SLC13A3: variants seen among roughly 807,000 people sequenced by gnomAD.
SLC13A3 encodes solute carrier family 13 member 3.
In SLC13A3, 40 loss-of-function variants were observed where a neutral mutation model predicts 59.0. That is an observed-to-expected ratio of 0.68 (90% CI 0.53 to 0.88). The LOEUF (loss-of-function observed/expected upper bound fraction) is 0.88, where lower values mean the gene tolerates loss of function less well. Ranked by LOEUF, SLC13A3 falls within the 40% of genes least tolerant of loss-of-function variation. The probability of loss-of-function intolerance (pLI) is 0.00; values close to 1 mark genes in which losing one functional copy is unlikely to be tolerated. For missense variants in SLC13A3, 699 were observed against 783.2 expected (o/e 0.89, Z 1.28); for synonymous variants, 317 against 330.3 (o/e 0.96, Z 0.44).
chr20:46,569,200 C>A (rs2062008910), intron 10 of SLC13A3, among the ~76,000 whole-genome samples: 1 of 152,182 alleles, frequency 6.6e-6, no homozygotes, highest in Non-Finnish European at 1.5e-5. Flanking sequence ...CTATGTTGCC[C>A]AGGCTGGTTT....
At chr20:46,578,015 T>G (rs959761916) in intron 9 of SLC13A3, among the ~76,000 whole-genome samples, 2 of 152,152 alleles carry the variant, frequency 1.3e-5, no homozygotes, top group African/African-American at 4.8e-5. Context: ...TATTTATTTT[T>G]TTTGAGATGG....
chr20:46,600,028 C>T lies in SLC13A3; in HGVS notation c.551G>A (p.Arg184Gln), dbSNP rs201164820. ...GGGCACAGTGTGTAGGCCGTTTCTCCGCACAGCAGCTAGGAGGAAAGAGCA... is the reference window on the plus strand; with the variant it reads ...GGGCACAGTGTGTAGGCCGTTTCTCTGCACAGCAGCTAGGAGGAAAGAGCA... Reference protein sequence around the residue: ...QESEENTAAVRRNGLHTVPTE... With the variant: ...QESEENTAAVQRNGLHTVPTE... The change falls in exon 4 of 13, where the codon CGG becomes CAG. Residue 184 changes from arginine to glutamine, a missense_variant. By Grantham distance (43) the Arg-to-Gln change is conservative (BLOSUM62 1). Transcript: ENST00000279027. 106 of 1,561,540 alleles carry T rather than the reference C, an allele frequency of 6.8e-5. 1 individual carries two copies. Among genetic ancestry groups the T allele is most frequent in the Admixed American group, 2.7e-4 (16 of 58,368 alleles).
chr20:46,675,405 CTTT>C (rs1057001519), intron 1 of SLC13A3, among the ~76,000 whole-genome samples: 1 of 112,666 alleles, frequency 8.9e-6, no homozygotes, highest in Admixed American at 9.0e-5. Flanking sequence ...AATTTTTTTT[CTTT>C]TTTTTTTTTT....
At chr20:46,644,068 T>C (rs1421600315) in intron 1 of SLC13A3, among the ~76,000 whole-genome samples, 1 of 151,882 alleles carries the variant, frequency 6.6e-6, no homozygotes, top group African/African-American at 2.4e-5. Context: ...AATAAAAACA[T>C]TGATGACCAA....
chr20:46,609,075 G>T, intron 3 of SLC13A3: 1 of 1,548,890 alleles, frequency 6.5e-7, no homozygotes, highest in Non-Finnish European at 8.7e-7. Context: ...AACAAAGGAA[G>T]AATCAATGCC....
chr20:46,613,556 A>G lies in SLC13A3; in HGVS notation c.281T>C (p.Leu94Pro), dbSNP rs1042096322. 1 of 1,614,102 alleles carries G rather than the reference A, an allele frequency of 6.2e-7. No individual in the cohort carries two copies. Among genetic ancestry groups the G allele is most frequent in the African/African-American group, 1.3e-5 (1 of 75,054 alleles). ...GGCGCTGGCCATGATCAGCCCACTG[A>G]GGAAGAGGAAGTTGGTGTCGAGGAA... ...QYFLDTNFLF[L>P]SGLIMASAIE... is the part of the protein sequence containing the mutation. Residue 94 changes from leucine to proline, a missense_variant, in exon 2 of 13, where the codon CTC becomes CCC. Coordinates refer to ENST00000279027, the MANE Select transcript of SLC13A3 (RefSeq NM_022829.6).
At chr20:46,614,652 T>C (rs2062537557) in intron 1 of SLC13A3, among the ~76,000 whole-genome samples, 1 of 152,200 alleles carries the variant, frequency 6.6e-6, no homozygotes, top group South Asian at 2.1e-4. Flanking sequence ...GTGCTATTTA[T>C]TCCTAACAAA....
chr20:46,632,410 C>G (rs2062748256), intron 1 of SLC13A3, among the ~76,000 whole-genome samples: 1 of 151,948 alleles, frequency 6.6e-6, no homozygotes, highest in South Asian at 2.1e-4. Flanking sequence ...GAATGACGGC[C>G]TCACAGAATC....
chr20:46,659,229 T>C (rs2063012114), intron 1 of SLC13A3, among the ~76,000 whole-genome samples: 2 of 152,234 alleles, frequency 1.3e-5, no homozygotes, highest in African/African-American at 4.8e-5. Context: ...TTGTTCTTTG[T>C]TCCTCTCTTC....
chr20:46,675,022 C>T (rs1360959440), upstream of SLC13A3, among the ~76,000 whole-genome samples: 2 of 151,860 alleles, frequency 1.3e-5, no homozygotes, highest in Admixed American at 6.6e-5. Flanking sequence ...AGCCATGTGG[C>T]GATCAGTGGG....
chr20:46,616,350 G>A (rs1416842250), intron 1 of SLC13A3, among the ~76,000 whole-genome samples: 1 of 152,170 alleles, frequency 6.6e-6, no homozygotes, highest in Non-Finnish European at 1.5e-5. Flanking sequence ...CTGTCGATGG[G>A]CTTCTCTGTT....
intron 1 of SLC13A3, among the ~76,000 whole-genome samples, chr20:46,648,921 A>T (rs999927210): frequency 4.3e-4 from 64 of 147,546 alleles, no homozygotes; most frequent in East Asian, 1.6e-3. Flanking sequence ...TCTCTCACAC[A>T]CACACACACA....
At chr20:46,581,241 G>A (rs2062133831) in intron 9 of SLC13A3, among the ~76,000 whole-genome samples, 1 of 152,236 alleles carries the variant, frequency 6.6e-6, no homozygotes, top group South Asian at 2.1e-4. Context: ...GCCCAGCTGA[G>A]AGAAAGCCCT....
intron 1 of SLC13A3, among the ~76,000 whole-genome samples, chr20:46,643,808 C>G (rs1269558801): frequency 6.6e-6 from 1 of 152,132 alleles, no homozygotes; most frequent in African/African-American, 2.4e-5. Context: ...TTTTAGGAGG[C>G]TGAGAGGGGC....
At chr20:46,683,726 G>A (rs983070674) in intron 1 of SLC13A3, among the ~76,000 whole-genome samples, 13 of 152,016 alleles carry the variant, frequency 8.6e-5, no homozygotes, top group African/African-American at 3.1e-4. Context: ...CTTGATCTCC[G>A]TGACCATGAG....
chr20:46,590,405 G>A (rs2062241612), intron 6 of SLC13A3, among the ~76,000 whole-genome samples: 1 of 151,948 alleles, frequency 6.6e-6, no homozygotes, highest in South Asian at 2.1e-4. Context: ...GAAAAAAAAT[G>A]TAGCTTCTAT....
chr20:46,579,679 T>C (rs2062115245), intron 9 of SLC13A3, among the ~76,000 whole-genome samples: 1 of 152,234 alleles, frequency 6.6e-6, no homozygotes, highest in Non-Finnish European at 1.5e-5. Flanking sequence ...TGGCATTCCA[T>C]GGACCAGACT....
At chr20:46,574,345 TAA>T (rs1396624610) in intron 10 of SLC13A3, among the ~76,000 whole-genome samples, 1 of 152,204 alleles carries the variant, frequency 6.6e-6, no homozygotes, top group Non-Finnish European at 1.5e-5. Context: ...TTCCTATCTG[TAA>T]AAGAGGCATA....
At chr20:46,571,356 G>T (rs1202048641) in intron 10 of SLC13A3, among the ~76,000 whole-genome samples, 1 of 152,178 alleles carries the variant, frequency 6.6e-6, no homozygotes, top group Non-Finnish European at 1.5e-5. Flanking sequence ...CAACATATTT[G>T]TAAGTAAGTT....
Sources: allele counts gnomAD v4.1 joint callset (sites outside exome capture counted in the v4.1 genomes callset), GRCh38; gene constraint gnomAD v4.1.1; transcripts MANE v1.5; gene names NCBI Gene and HGNC (gene_info 2026-07-23, HGNC 2026-07-21).